Variants in MALRD1 observed in about 807,000 individuals in gnomAD.
MALRD1 encodes the protein MAM and LDL receptor class A domain containing 1, also known as MAM and LDL-receptor class A domain-containing protein 1.
Under a neutral mutation model 242.1 loss-of-function variants are expected in MALRD1, and 247 were observed. The observed-to-expected ratio is 1.02, with a 90% confidence interval of 0.92 to 1.13. The LOEUF (loss-of-function observed/expected upper bound fraction) is 1.13. Ranked by LOEUF, MALRD1 falls within the 50% of genes most tolerant of loss-of-function variation. MALRD1 has a pLI of 0.00. For missense variants in MALRD1, 2,989 were observed against 2,533.1 expected (o/e 1.18, Z -3.86); for synonymous variants, 995 against 866.6 (o/e 1.15, Z -2.60).
At chr10:19,527,600 A>T (rs961733027) in intron 31 of MALRD1, among the ~76,000 whole-genome samples, 3 of 152,188 alleles carry the variant, frequency 2.0e-5, no homozygotes, top group African/African-American at 7.2e-5. Context: ...ATGGAAGTAC[A>T]TTAGTTATCA....
intron 28 of MALRD1, among the ~76,000 whole-genome samples, chr10:19,418,489 A>G (rs1290340835): frequency 1.3e-5 from 2 of 152,108 alleles, no homozygotes; most frequent in Non-Finnish European, 1.5e-5. Context: ...TATGCCTGAC[A>G]TGTAGTAACA....
At chr10:19,363,714 G>C (rs1844994208) in intron 26 of MALRD1, among the ~76,000 whole-genome samples, 1 of 152,156 alleles carries the variant, frequency 6.6e-6, no homozygotes, top group Admixed American at 6.6e-5. Context: ...GGGTCTTAAA[G>C]GATGAATGAG....
At chr10:19,553,633 A>C (rs963465666) in intron 32 of MALRD1, among the ~76,000 whole-genome samples, 1 of 152,294 alleles carries the variant, frequency 6.6e-6, no homozygotes, top group East Asian at 1.9e-4. Context: ...GATCAAATAA[A>C]TTTTATTACC....
chr10:19,560,837 A>T (rs1835932554), intron 32 of MALRD1, among the ~76,000 whole-genome samples: 1 of 152,162 alleles, frequency 6.6e-6, no homozygotes, highest in South Asian at 2.1e-4. Context: ...GAGGGATAGC[A>T]TTAAGAGAAA....
chr10:19,556,344 A>G (rs1299425377), intron 32 of MALRD1, among the ~76,000 whole-genome samples: 1 of 152,130 alleles, frequency 6.6e-6, no homozygotes, highest in Non-Finnish European at 1.5e-5. Context: ...TGCACATTTC[A>G]TGGATTTTGA....
intron 23 of MALRD1, among the ~76,000 whole-genome samples, 172 bp downstream of exon 23, chr10:19,327,845 C>T (rs991111690): frequency 2.0e-5 from 3 of 152,096 alleles, no homozygotes; most frequent in African/African-American, 4.8e-5. Context: ...AAGGGATTGA[C>T]AACTTCAGAA....
At chr10:19,269,361 G>A (rs1840101144) in intron 19 of MALRD1, among the ~76,000 whole-genome samples, 1 of 152,216 alleles carries the variant, frequency 6.6e-6, no homozygotes, top group Non-Finnish European at 1.5e-5. Context: ...TCGCTCTCTT[G>A]CTCTCTCTTT....
At chr10:19,127,177 T>C (rs182254217) in intron 7 of MALRD1, among the ~76,000 whole-genome samples, 260 of 152,342 alleles carry the variant, frequency 1.7e-3, no homozygotes, top group African/African-American at 6.0e-3. Context: ...TTTGGGTTGA[T>C]TCCATGTCTT....
chr10:19,066,528 C>T (rs548434916), intron 1 of MALRD1, among the ~76,000 whole-genome samples, 191 bp from the exon 2 acceptor site: 7 of 152,112 alleles, frequency 4.6e-5, no homozygotes, highest in Non-Finnish European at 1.0e-4. Flanking sequence ...ACACTGTTTT[C>T]GTTGTGGTAA....
At chr10:19,409,278 C>G (rs1253237478) in intron 28 of MALRD1, among the ~76,000 whole-genome samples, 1 of 152,010 alleles carries the variant, frequency 6.6e-6, no homozygotes, top group Non-Finnish European at 1.5e-5. Context: ...TTTGAAATGA[C>G]CGAATTCCTT....
intron 29 of MALRD1, among the ~76,000 whole-genome samples, chr10:19,477,426 G>T: frequency 6.6e-6 from 1 of 151,924 alleles, no homozygotes; most frequent in East Asian, 1.9e-4. Flanking sequence ...GCTCTCAGTT[G>T]AGTGACTATT....
chr10:19,128,686 C>G (rs1476895197), intron 8 of MALRD1, among the ~76,000 whole-genome samples: 2 of 152,046 alleles, frequency 1.3e-5, no homozygotes, highest in African/African-American at 4.8e-5. Flanking sequence ...ATTATGAGCT[C>G]TGTATTGAAG....
intron 19 of MALRD1, among the ~76,000 whole-genome samples, chr10:19,262,009 C>G (rs189139606): frequency 3.3e-5 from 5 of 151,942 alleles, no homozygotes; most frequent in African/African-American, 1.2e-4. Flanking sequence ...ATTAATATTC[C>G]CCAATAGTTT....
intron 38 of MALRD1, among the ~76,000 whole-genome samples, chr10:19,699,824 C>T (rs945289906): frequency 2.0e-5 from 3 of 151,978 alleles, no homozygotes; most frequent in Non-Finnish European, 2.9e-5. Flanking sequence ...AGACCTCACT[C>T]ACTACAGTAA....
intron 26 of MALRD1, among the ~76,000 whole-genome samples, chr10:19,373,506 CAA>C (rs1447587561): frequency 7.0e-6 from 1 of 142,064 alleles, no homozygotes; most frequent in Non-Finnish European, 1.5e-5. Flanking sequence ...GTGACAAAAG[CAA>C]AACTCTGTCA....
chr10:19,249,576 G>A lies in MALRD1; in HGVS notation c.2992-8108G>A, dbSNP rs569389926. ...CTGTGCTGGATGCTGTGTTTGCAGC[G>A]CTTGTGTCCTTCAGTGTCCCTCCTG... On this transcript the variant is annotated intron_variant, in intron 18 of 39. Transcript: ENST00000454679. 4.6e-5 allele frequency among the ~76,000 whole-genome samples: 7 copies of A among 152,062 alleles called. No homozygotes were observed. The South Asian group carries it at 8.3e-4, about 18-fold the overall frequency.
At chr10:19,173,575 T>C (rs1835101264) in intron 13 of MALRD1, among the ~76,000 whole-genome samples, 1 of 152,190 alleles carries the variant, frequency 6.6e-6, no homozygotes, top group Admixed American at 6.5e-5. Flanking sequence ...TCTCCATCTA[T>C]TATCTGATTA....
In MALRD1 at chr10:19,069,959, T is replaced by G. The variant is rs1835092134; in HGVS notation, c.340+3100T>G. On this transcript the variant is annotated intron_variant, in intron 2 of 39. Transcript: ENST00000454679. ...TATTTCTTCTGTCCCATTCTCCCTT[T>G]CATTTCCCTTTTGTATTTCAATCAT... 2.0e-5 allele frequency among the ~76,000 whole-genome samples: 3 copies of G among 152,136 alleles called. No individual in the cohort carries two copies. In the South Asian group the frequency reaches 6.2e-4, roughly 31 times the overall value.
intron 18 of MALRD1, among the ~76,000 whole-genome samples, chr10:19,216,387 A>G (rs1172925021): frequency 6.6e-6 from 1 of 151,762 alleles, no homozygotes; most frequent in African/African-American, 2.4e-5. Flanking sequence ...AAGCGCTGGG[A>G]TTAAGGCATG....
Sources: gnomAD v4.1 joint callset for allele counts (sites outside exome capture counted in the v4.1 genomes callset) on GRCh38, gnomAD v4.1.1 for gene constraint, MANE v1.5 for transcripts, NCBI Gene and HGNC (gene_info 2026-07-23, HGNC 2026-07-21) for gene names.